Variants in BTBD16 observed in about 807,000 individuals in gnomAD.
BTBD16 encodes BTB/POZ domain-containing protein 16.
Under a neutral mutation model 67.4 loss-of-function variants are expected in BTBD16, and 66 were observed. The ratio of observed to expected loss-of-function variants is 0.98; its 90% confidence interval spans 0.80 to 1.20. The LOEUF (loss-of-function observed/expected upper bound fraction) is 1.20, where lower values mean the gene tolerates loss of function less well. Ranked by LOEUF, BTBD16 falls within the 50% of genes most tolerant of loss-of-function variation. The pLI is 0.00. For missense variants in BTBD16, 634 were observed against 616.0 expected, an observed-to-expected ratio of 1.03 and a Z score of -0.31; for synonymous variants, 242 against 236.4, an observed-to-expected ratio of 1.02 and a Z score of -0.22.
chr10:122,303,758 G>A (rs1209548583), intron 9 of BTBD16: 1 of 460,226 alleles, frequency 2.2e-6, no homozygotes, highest in Non-Finnish European at 2.8e-6. Flanking sequence ...AAACACACAT[G>A]GTACAGCCCA....
chr10:122,331,317 T>C, intron 12 of BTBD16, 59 bp downstream of exon 12: 2 of 1,597,384 alleles, frequency 1.3e-6, no homozygotes, highest in Non-Finnish European at 8.5e-7. Context: ...TCTGACTTTG[T>C]TTTTTCTGGA....
At chr10:122,274,737 TA>T (rs1416511689) in intron 1 of BTBD16, among the ~76,000 whole-genome samples, 6 of 152,292 alleles carry the variant, frequency 3.9e-5, no homozygotes, top group African/African-American at 7.2e-5. Context: ...TCAGCCTACT[TA>T]TAGCTATCTT....
intron 9 of BTBD16, among the ~76,000 whole-genome samples, chr10:122,302,483 G>T (rs1179104243): frequency 6.6e-6 from 1 of 152,060 alleles, no homozygotes; most frequent in Non-Finnish European, 1.5e-5. Flanking sequence ...GCGACCAGGG[G>T]CACTGTATCC....
chr10:122,333,514 A>G (rs906329110), intron 13 of BTBD16, among the ~76,000 whole-genome samples: 8 of 152,110 alleles, frequency 5.3e-5, no homozygotes, highest in African/African-American at 1.9e-4. Context: ...GAGGGTCTAA[A>G]CCCTCCAGAA....
At chr10:122,317,149 A>G (rs2096426648) in intron 10 of BTBD16, among the ~76,000 whole-genome samples, 1 of 152,140 alleles carries the variant, frequency 6.6e-6, no homozygotes, top group African/African-American at 2.4e-5. Context: ...TTCTTCAATA[A>G]CAAATAAACT....
chr10:122,328,226 C>T (rs906014774), intron 10 of BTBD16, among the ~76,000 whole-genome samples: 6 of 152,256 alleles, frequency 3.9e-5, no homozygotes, highest in African/African-American at 1.2e-4. Context: ...GCACAGGCAC[C>T]GCACCCACCA....
chr10:122,306,783 A>G (rs889395971), intron 9 of BTBD16, among the ~76,000 whole-genome samples: 2 of 152,242 alleles, frequency 1.3e-5, no homozygotes, highest in South Asian at 4.1e-4. Flanking sequence ...AAAATTTTAA[A>G]TAAATGTAGG....
At chr10:122,329,388 C>G in intron 10 of BTBD16, 92 bp from the exon 11 acceptor site, 1 of 1,242,512 alleles carries the variant, frequency 8.0e-7, no homozygotes, top group South Asian at 1.3e-5. Flanking sequence ...AGTGAAGCCA[C>G]TAGTCTCTAC....
intron 3 of BTBD16, among the ~76,000 whole-genome samples, chr10:122,278,016 C>T (rs2096344608): frequency 6.6e-6 from 1 of 152,310 alleles, no homozygotes; most frequent in South Asian, 2.1e-4. Context: ...AGAAGAACTG[C>T]CTGCTCAATC....
In BTBD16 at chr10:122,336,545, C is replaced by A. The variant is rs748385859; in HGVS notation, c.1315C>A (p.His439Asn). Residue 439 changes from histidine (H) to asparagine (N), a missense_variant, in exon 15 of 16, where the codon CAC becomes AAC. By Grantham distance (68) the His-to-Asn change is moderately conservative. Coordinates refer to ENST00000260723, the MANE Select transcript of BTBD16 (RefSeq NM_144587.5). Reference protein sequence around the residue: ...ESPSAVYEHNHVSLRAARLVK... With the variant: ...ESPSAVYEHNNVSLRAARLVK... Reference sequence around the variant, plus strand: ...TCCCTCTGCGGTCTACGAGCACAACCACGTCAGCCTGCGAGCGGCACGCCT... The same window carrying A: ...TCCCTCTGCGGTCTACGAGCACAACAACGTCAGCCTGCGAGCGGCACGCCT... 9 of 1,612,510 alleles carry A rather than the reference C, an allele frequency of 5.6e-6. No individual in the cohort carries two copies. The East Asian group carries it at 2.0e-4, about 36-fold the overall frequency.
chr10:122,331,080 A>G lies in BTBD16; in HGVS notation c.1004-96A>G. The G allele has an allele frequency of 2.0e-6, 3 of 1,501,654 alleles. No individual in the cohort carries two copies. The South Asian group carries it at 4.1e-5, about 21-fold the overall frequency. 93.0% of individuals were successfully genotyped at this position (1,501,654 alleles called of 1,614,324 possible). A position where few individuals can be genotyped will look rare whatever the true frequency, so the allele number is the denominator to read the frequency against. On this transcript the variant is annotated intron_variant, in intron 11 of 15. Coordinates refer to ENST00000260723, the MANE Select transcript of BTBD16 (RefSeq NM_144587.5). ...ACCATCCACCCCTTTCCCTTCCCTC[A>G]GCTCCGGACTTCTTCCTTTTCCTTT...
chr10:122,274,356 GACA>G (rs1283350773), intron 1 of BTBD16, among the ~76,000 whole-genome samples: 4 of 152,346 alleles, frequency 2.6e-5, no homozygotes, highest in African/African-American at 4.8e-5. Context: ...GGCAGCGCCT[GACA>G]ACAACAGCCA....
At chr10:122,311,032 A>T (rs2142099440) in intron 10 of BTBD16, among the ~76,000 whole-genome samples, 1 of 152,332 alleles carries the variant, frequency 6.6e-6, no homozygotes, top group African/African-American at 2.4e-5. Context: ...AACGTAGTTG[A>T]ATAACTGACT....
chr10:122,295,811 T>C (rs1309223481), intron 7 of BTBD16, among the ~76,000 whole-genome samples: 1 of 152,190 alleles, frequency 6.6e-6, no homozygotes, highest in Non-Finnish European at 1.5e-5. Context: ...TCAGTCTCCC[T>C]GTCTGAAGGG....
intron 10 of BTBD16, among the ~76,000 whole-genome samples, chr10:122,320,504 T>A (rs1434330815): frequency 6.6e-6 from 1 of 152,112 alleles, no homozygotes; most frequent in Admixed American, 6.5e-5. Context: ...TTCTAAGTGT[T>A]TAGTGCTATA....
rs755136042 is a variant in BTBD16, at chr10:122,297,838, G to A, written c.660+1G>A. The A allele has an allele frequency of 6.8e-6, 11 of 1,614,002 alleles. No homozygotes were observed. Among genetic ancestry groups the A allele is most frequent in the African/African-American group, 1.3e-5 (1 of 74,944 alleles). ...GAAATTCTACGAGGCCGGCTGCAAG[G>A]TGAGAACAACCCAGACGGGGCACAT... On this transcript the variant is annotated splice_donor_variant, in intron 8 of 15. Transcript: ENST00000260723. LOFTEE classifies it high-confidence loss of function.
intron 7 of BTBD16, among the ~76,000 whole-genome samples, chr10:122,291,854 CGGG>C (rs2096374676): frequency 1.3e-5 from 2 of 152,096 alleles, no homozygotes; most frequent in African/African-American, 4.8e-5. Context: ...GGCTGCCCAT[CGGG>C]AGGGTTCATC....
Position 122,299,042 on chromosome 10 carries a change from G to A in BTBD16, c.699G>A (p.Trp233Ter), listed in dbSNP as rs2096389031. ...EEQLTTGCEK[W>*]LEMNLVPLGG... ...AGCTCACCACCGGCTGCGAGAAGTGGCTGGAAATGAACTTGGTTCCTCTAG... is the reference window on the plus strand; with the variant it reads ...AGCTCACCACCGGCTGCGAGAAGTGACTGGAAATGAACTTGGTTCCTCTAG... The change falls in exon 9 of 16, where the codon TGG (tryptophan) becomes TGA (stop). Residue 233 changes from tryptophan (W) to a stop codon, truncating the protein, a stop_gained. Coordinates refer to ENST00000260723, the MANE Select transcript of BTBD16 (RefSeq NM_144587.5). LOFTEE classifies it high-confidence loss of function. 6.2e-7 allele frequency: 1 copy of A among 1,614,032 alleles called. No homozygotes were observed. Among genetic ancestry groups the A allele is most frequent in the Non-Finnish European group, 8.5e-7 (1 of 1,180,000 alleles).
chr10:122,314,032 G>C (rs1455086012), intron 10 of BTBD16, among the ~76,000 whole-genome samples: 3 of 151,948 alleles, frequency 2.0e-5, no homozygotes, highest in African/African-American at 7.3e-5. Context: ...GGTCATTCTT[G>C]GTCCTTTGGA....
Sources: allele counts gnomAD v4.1 joint callset (sites outside exome capture counted in the v4.1 genomes callset), GRCh38; gene constraint gnomAD v4.1.1; transcripts MANE v1.5; gene names NCBI Gene and HGNC (gene_info 2026-07-23, HGNC 2026-07-21).